The following RBFOX1 variants were observed in gnomAD, a reference collection of about 807,000 sequenced individuals.
RBFOX1 encodes RNA binding fox-1 homolog 1, also known as RNA binding protein fox-1 homolog 1.
Under a neutral mutation model 57.7 loss-of-function variants are expected in RBFOX1, and 8 were observed. The observed-to-expected ratio is 0.14, with a 90% CI of 0.08 to 0.25. RBFOX1 has a LOEUF of 0.25. RBFOX1 is among the 10% of genes least tolerant of loss of function. RBFOX1 has a pLI of 1.00. For synonymous variants in RBFOX1, 326 were observed against 222.4 expected (o/e 1.47, Z -4.15); for missense variants, 611 against 548.5 (o/e 1.11, Z -1.14).
intron 3 of RBFOX1, among the ~76,000 whole-genome samples, chr16:5,687,898 G>T (rs868599471): frequency 1.3e-5 from 2 of 152,056 alleles, no homozygotes; most frequent in African/African-American, 4.8e-5. Context: ...AAACAAAGCA[G>T]ACTCTGCTCT....
At chr16:7,411,065 C>T (rs1310789004) in intron 4 of RBFOX1, among the ~76,000 whole-genome samples, 3 of 152,092 alleles carry the variant, frequency 2.0e-5, no homozygotes, top group African/African-American at 7.2e-5. Context: ...TGTGCCTCAG[C>T]GTACCGAGTA....
At chr16:7,265,540 C>A (rs999027677) in intron 4 of RBFOX1, among the ~76,000 whole-genome samples, 9 of 152,056 alleles carry the variant, frequency 5.9e-5, no homozygotes, top group African/African-American at 2.2e-4. Flanking sequence ...CCTCCGCCTC[C>A]CGTGTTGAAG....
rs141209610 is a variant in RBFOX1 at position 5,749,869 on chromosome 16, C to T, written c.319-117434C>T. ...CTGAAGCCTTCTTCTCTCAACTCGT[C>T]GAAGTCATTCTCCGTCTAGCTTTTT... On this transcript the variant is annotated intron_variant, in intron 3 of 19. Coordinates refer to the RBFOX1 transcript ENST00000641259. Among the ~76,000 whole-genome samples the T allele has an allele frequency of 1.8e-4, 27 of 152,286 alleles. No homozygotes were observed. In the East Asian group the frequency reaches 2.3e-3, roughly 13 times the overall value.
At chr16:5,879,676 G>A (rs1006614946) in intron 4 of RBFOX1, among the ~76,000 whole-genome samples, 7 of 152,306 alleles carry the variant, frequency 4.6e-5, no homozygotes, top group African/African-American at 1.4e-4. Flanking sequence ...GCTAAGCTAT[G>A]CAAGTAACAA....
At chr16:6,457,803 C>T (rs1198033457) in intron 2 of RBFOX1, among the ~76,000 whole-genome samples, 1 of 152,068 alleles carries the variant, frequency 6.6e-6, no homozygotes, top group Non-Finnish European at 1.5e-5. Context: ...TTGTTGTGTG[C>T]AGCTAGGTGT....
intron 1 of RBFOX1, among the ~76,000 whole-genome samples, chr16:5,303,677 T>C (rs1444661472): frequency 1.3e-5 from 2 of 152,298 alleles, no homozygotes; most frequent in African/African-American, 2.4e-5. Flanking sequence ...CCAGGCCTTA[T>C]AGGTGTTGAA....
intron 3 of RBFOX1, among the ~76,000 whole-genome samples, chr16:6,668,407 C>T (rs75121598): frequency 0.015 from 2,318 of 152,302 alleles, 35 homozygotes; most frequent in African/African-American, 0.048. Context: ...TACAAAGCCA[C>T]GTGTTGTGTG....
At chr16:7,490,730 T>G (rs1050081749) in intron 4 of RBFOX1, among the ~76,000 whole-genome samples, 4 of 152,158 alleles carry the variant, frequency 2.6e-5, no homozygotes, top group Non-Finnish European at 5.9e-5. Flanking sequence ...TAGCTTTCAC[T>G]AAACCTCAAA....
chr16:6,176,017 A>G (rs533982182), intron 1 of RBFOX1, among the ~76,000 whole-genome samples: 82 of 152,248 alleles, frequency 5.4e-4, no homozygotes, highest in Middle Eastern at 3.4e-3. Flanking sequence ...TTTTCCCACA[A>G]GCTTTCCAGG....
intron 1 of RBFOX1, among the ~76,000 whole-genome samples, chr16:5,402,459 C>T (rs971976067): frequency 6.6e-6 from 1 of 152,192 alleles, no homozygotes; most frequent in Non-Finnish European, 1.5e-5. Context: ...TTCTATTCTT[C>T]CCTGACATAT....
intron 3 of RBFOX1, among the ~76,000 whole-genome samples, chr16:6,752,901 T>C (rs901659830): frequency 6.6e-6 from 1 of 152,172 alleles, no homozygotes; most frequent in Non-Finnish European, 1.5e-5. Context: ...CCAGAGAATT[T>C]TTATCTTCCT....
intron 4 of RBFOX1, among the ~76,000 whole-genome samples, chr16:7,401,747 T>C (rs1447118002): frequency 6.6e-6 from 1 of 152,180 alleles, no homozygotes; most frequent in Non-Finnish European, 1.5e-5. Flanking sequence ...GAAAATATTA[T>C]GGACTCAACA....
intron 1 of RBFOX1, among the ~76,000 whole-genome samples, chr16:5,382,426 A>T (rs908943974): frequency 4.0e-5 from 6 of 151,162 alleles, no homozygotes; most frequent in Non-Finnish European, 8.8e-5. Flanking sequence ...TGCCAACACT[A>T]TTTTTAAGTA....
intron 3 of RBFOX1, among the ~76,000 whole-genome samples, chr16:6,821,625 C>A (rs937074949): frequency 2.0e-5 from 3 of 152,172 alleles, no homozygotes; most frequent in Non-Finnish European, 4.4e-5. Context: ...TGATATCTTA[C>A]ATAAATCGTA....
intron 3 of RBFOX1, among the ~76,000 whole-genome samples, chr16:6,928,947 T>A (rs967368888): frequency 1.3e-5 from 2 of 152,086 alleles, no homozygotes; most frequent in Non-Finnish European, 2.9e-5. Flanking sequence ...CCAAAGCAGA[T>A]GTCATCTCAT....
chr16:6,104,600 C>G (rs1430269553), intron 1 of RBFOX1, among the ~76,000 whole-genome samples: 1 of 152,208 alleles, frequency 6.6e-6, no homozygotes, highest in East Asian at 1.9e-4. Flanking sequence ...CAGGCAACCA[C>G]TAATCTATCG....
intron 2 of RBFOX1, among the ~76,000 whole-genome samples, chr16:5,548,174 A>T (rs12919968): frequency 0.16 from 5,005 of 30,632 alleles, 277 homozygotes; most frequent in Middle Eastern, 0.2. Context: ...AAAAAAAAAA[A>T]ATATATATAT....
chr16:6,850,605 C>T (rs946247821), intron 3 of RBFOX1, among the ~76,000 whole-genome samples: 1 of 152,178 alleles, frequency 6.6e-6, no homozygotes, highest in Non-Finnish European at 1.5e-5. Context: ...CACTTCTTCC[C>T]ATGCCTTCCA....
At chr16:7,013,050 G>T (rs532465276) in intron 3 of RBFOX1, among the ~76,000 whole-genome samples, 51 of 152,158 alleles carry the variant, frequency 3.4e-4, no homozygotes, top group Non-Finnish European at 5.9e-4. Flanking sequence ...TCCTTTTAAG[G>T]GCAGTAATCC....
Sources: gnomAD v4.1 joint callset for allele counts (sites outside exome capture counted in the v4.1 genomes callset) on GRCh38, gnomAD v4.1.1 for gene constraint, MANE v1.5 for transcripts, NCBI Gene and HGNC (gene_info 2026-07-23, HGNC 2026-07-21) for gene names.